FRMPD2: variants seen among roughly 807,000 people sequenced by gnomAD.
The protein encoded by FRMPD2 is FERM and PDZ domain-containing protein 2.
A neutral mutation model predicts 140.1 loss-of-function variants in FRMPD2; 96 were observed. That is an observed-to-expected ratio of 0.69 (90% CI 0.58 to 0.81). The LOEUF (loss-of-function observed/expected upper bound fraction) is 0.81, where lower values mean the gene tolerates loss of function less well. Among genes scored for constraint, FRMPD2 ranks in the 40% least tolerant of loss-of-function variants. FRMPD2 has a pLI of 0.00. For synonymous variants in FRMPD2, 449 were observed against 547.6 expected (o/e 0.82, Z 2.52); for missense variants, 1,240 against 1,447.4 (o/e 0.86, Z 2.32).
intron 15 of FRMPD2, among the ~76,000 whole-genome samples, chr10:48,195,815 C>G (rs910824813): frequency 5.9e-5 from 9 of 152,238 alleles, no homozygotes; most frequent in African/African-American, 9.6e-5. Context: ...TTAACCACTT[C>G]CCATTTGACA....
intron 10 of FRMPD2, among the ~76,000 whole-genome samples, chr10:48,225,218 G>C (rs1438190398): frequency 6.6e-6 from 1 of 152,132 alleles, no homozygotes; most frequent in Non-Finnish European, 1.5e-5. Flanking sequence ...TATAGTAATG[G>C]TGTGAAAGTT....
chr10:48,251,727 A>C, intron 1 of FRMPD2, 36 bp from the exon 2 acceptor site: 2 of 1,612,016 alleles, frequency 1.2e-6, no homozygotes, highest in Non-Finnish European at 1.7e-6. Flanking sequence ...GGGCCTCTGC[A>C]ATGTCCAGGA....
intron 4 of FRMPD2, among the ~76,000 whole-genome samples, chr10:48,242,680 TCAAAC>T (rs1177229735): frequency 6.6e-6 from 1 of 152,212 alleles, no homozygotes; most frequent in Non-Finnish European, 1.5e-5. Flanking sequence ...GCACCCCAAA[TCAAAC>T]CAGAGGTCAG....
chr10:48,184,873 T>G lies in FRMPD2; in HGVS notation c.2368A>C (p.Ile790Leu). Residue 790 changes from isoleucine (I) to leucine (L), a missense_variant, in exon 19 of 29, where the codon ATT becomes CTT. Around this residue, in one of 6 missense-constraint regions of FRMPD2, gnomAD observed 1,161 missense variants for 1,055.9 expected, o/e 1.10. Transcript: ENST00000374201. The part of the protein sequence containing the change: ...RDPHRGFGFV[I>L]NEGEYSGQAD... ...TGGCCTGAATACTCTCCCTCATTAA[T>G]GACAAACCCTGTAATCCAAGATGAT... 6.2e-7 allele frequency: 1 copy of G among 1,607,888 alleles called. No individual in the cohort carries two copies. The highest frequency in any genetic ancestry group is 8.5e-7 in the Non-Finnish European group (1 of 1,175,062).
At chr10:48,263,063 G>A (rs1402511566) in intron 1 of FRMPD2, among the ~76,000 whole-genome samples, 1 of 152,034 alleles carries the variant, frequency 6.6e-6, no homozygotes, top group Non-Finnish European at 1.5e-5. Context: ...CTTCTAAACA[G>A]CAAATGGGTC....
At chr10:48,217,802 C>T (rs1006169517) in intron 12 of FRMPD2, among the ~76,000 whole-genome samples, 1 of 152,132 alleles carries the variant, frequency 6.6e-6, no homozygotes, top group African/African-American at 2.4e-5. Flanking sequence ...AAGTTATAAC[C>T]AAGGTCACTC....
intron 5 of FRMPD2, among the ~76,000 whole-genome samples, chr10:48,241,210 C>T (rs1840097658): frequency 6.6e-6 from 1 of 152,192 alleles, no homozygotes; most frequent in Non-Finnish European, 1.5e-5. Flanking sequence ...GAGGCCTTCT[C>T]TGATTGACTG....
intron 1 of FRMPD2, among the ~76,000 whole-genome samples, chr10:48,254,476 G>A (rs1327210050): frequency 6.6e-6 from 1 of 152,152 alleles, no homozygotes; most frequent in East Asian, 1.9e-4. Context: ...CATCACACTG[G>A]GCTTGTGATA....
At chr10:48,234,021 C>T (rs1338045535) in intron 9 of FRMPD2, among the ~76,000 whole-genome samples, 1 of 152,244 alleles carries the variant, frequency 6.6e-6, no homozygotes, top group Non-Finnish European at 1.5e-5. Flanking sequence ...ACCCAGCTCC[C>T]AAGCCAGGTA....
intron 10 of FRMPD2, among the ~76,000 whole-genome samples, chr10:48,227,871 TAA>T (rs1347912626): frequency 2.0e-5 from 3 of 152,210 alleles, no homozygotes; most frequent in African/African-American, 4.8e-5. Flanking sequence ...GAAGCTAGTT[TAA>T]GTTTTTTGGT....
chr10:48,211,778 T>C (rs1262660420), intron 13 of FRMPD2, among the ~76,000 whole-genome samples, 176 bp downstream of exon 13: 1 of 152,140 alleles, frequency 6.6e-6, no homozygotes, highest in East Asian at 1.9e-4. Flanking sequence ...TCATTTCCAA[T>C]GCCAGCTGCT....
chr10:48,171,252 A>G (rs2132404666), intron 25 of FRMPD2, 44 bp from the exon 26 acceptor site: 3 of 673,144 alleles, frequency 4.5e-6, no homozygotes, highest in East Asian at 2.7e-5. Flanking sequence ...TCAGTAGATT[A>G]CAAGTGAAAT....
chr10:48,205,030 T>C (rs1839173894), intron 14 of FRMPD2, among the ~76,000 whole-genome samples: 1 of 152,232 alleles, frequency 6.6e-6, no homozygotes, highest in Admixed American at 6.5e-5. Context: ...GCCTCAGGTA[T>C]TAAAAAGCAA....
chr10:48,214,245 G>A (rs1016868475), intron 12 of FRMPD2, among the ~76,000 whole-genome samples: 3 of 152,176 alleles, frequency 2.0e-5, no homozygotes, highest in South Asian at 2.1e-4. Context: ...CCCAGTCTGT[G>A]AGTATACCCC....
intron 7 of FRMPD2, 143 bp downstream of exon 7, chr10:48,239,462 T>C (rs1212501080): frequency 1.1e-5 from 6 of 565,108 alleles, no homozygotes; most frequent in Non-Finnish European, 1.9e-5. Flanking sequence ...TGTGGCTTCT[T>C]CATCTGTTAA....
At chr10:48,184,545 C>T (rs1838627792) in intron 20 of FRMPD2, 21 bp downstream of exon 20, 1 of 1,501,640 alleles carries the variant, frequency 6.7e-7, no homozygotes. Flanking sequence ...CTTAAGCTCC[C>T]AAGAGTGGGT....
intron 16 of FRMPD2, among the ~76,000 whole-genome samples, chr10:48,191,383 C>T (rs1188064922): frequency 6.6e-6 from 1 of 152,212 alleles, no homozygotes; most frequent in Non-Finnish European, 1.5e-5. Context: ...GAATTTCTAA[C>T]CCAGTTCACT....
At chr10:48,237,652 G>A (rs1839999111) in intron 8 of FRMPD2, among the ~76,000 whole-genome samples, 1 of 152,074 alleles carries the variant, frequency 6.6e-6, no homozygotes, top group South Asian at 2.1e-4. Flanking sequence ...TGTGCAGAAG[G>A]CCCCTTCCAA....
At chr10:48,193,455 A>G (rs1450744806) in intron 15 of FRMPD2, among the ~76,000 whole-genome samples, 1 of 152,198 alleles carries the variant, frequency 6.6e-6, no homozygotes, top group Non-Finnish European at 1.5e-5. Flanking sequence ...CCCAGCTTTG[A>G]CACTTGCCTT....
Sources: allele counts gnomAD v4.1 joint callset (sites outside exome capture counted in the v4.1 genomes callset), GRCh38; gene constraint gnomAD v4.1.1; regional missense constraint gnomAD v4.1.1; transcripts MANE v1.5; gene names NCBI Gene and HGNC (gene_info 2026-07-23, HGNC 2026-07-21).